Variants in PCDH15 observed in about 807,000 individuals in gnomAD.
The protein encoded by PCDH15 is protocadherin related 15.
Under a neutral mutation model 178.5 loss-of-function variants are expected in PCDH15, and 129 were observed. The observed-to-expected ratio is 0.72, with a 90% CI of 0.63 to 0.84. The LOEUF (loss-of-function observed/expected upper bound fraction) is 0.84. Ranked by LOEUF, PCDH15 falls within the 40% of genes least tolerant of loss-of-function variation. The pLI is 0.00. For synonymous variants in PCDH15, 800 were observed against 732.0 expected (o/e 1.09, Z -1.50); for missense variants, 2,230 against 2,099.9 (o/e 1.06, Z -1.21).
chr10:54,834,715 T>C (rs1953285985), intron 3 of PCDH15, among the ~76,000 whole-genome samples: 1 of 152,188 alleles, frequency 6.6e-6, no homozygotes, highest in Admixed American at 6.6e-5. Flanking sequence ...GATGTCTTAG[T>C]TTATGTGATC....
At chr10:54,036,360 T>C (rs2093416612) in intron 18 of PCDH15, among the ~76,000 whole-genome samples, 1 of 151,992 alleles carries the variant, frequency 6.6e-6, no homozygotes, top group African/African-American at 2.4e-5. Context: ...GCTGACTTTC[T>C]TGTTAGGTGC....
chr10:54,293,015 C>T (rs1169009885), intron 8 of PCDH15, among the ~76,000 whole-genome samples: 2 of 152,090 alleles, frequency 1.3e-5, no homozygotes, highest in African/African-American at 4.8e-5. Context: ...CAAGACAATC[C>T]TAAGCAAAAA....
At chr10:54,714,604 T>C (rs2095458485) in intron 1 of PCDH15, among the ~76,000 whole-genome samples, 2 of 152,148 alleles carry the variant, frequency 1.3e-5, no homozygotes, top group Non-Finnish European at 2.9e-5. Context: ...AAAAGTCATC[T>C]TATAGGCTTC....
At position 54,169,031 on chromosome 10, in the gene PCDH15, C is replaced by T. The variant is rs1320127567; in HGVS notation, c.1590+14413G>A. On this transcript the variant is annotated intron_variant, in intron 13 of 37. Coordinates refer to ENST00000644397, the MANE Select transcript of PCDH15 (RefSeq NM_001384140.1). ...CCTCCTCCCACAGGAGCTTGCTACA[C>T]ATGCAGGAAATCTGGCCACTGGGCC... is the stretch of plus-strand genomic sequence containing the variant. Among the ~76,000 whole-genome samples, 6 of 152,276 alleles carry T rather than the reference C, an allele frequency of 3.9e-5. No homozygotes were observed. The South Asian group carries it at 6.2e-4, about 16-fold the overall frequency.
At chr10:55,369,784 T>C (rs1335122211) in intron 2 of PCDH15, among the ~76,000 whole-genome samples, 8 of 151,950 alleles carry the variant, frequency 5.3e-5, no homozygotes, top group Non-Finnish European at 1.0e-4. Context: ...AGAATAAACA[T>C]GTAATTGGTC....
At chr10:55,432,399 G>C (rs1304317062) in intron 2 of PCDH15, among the ~76,000 whole-genome samples, 1 of 152,170 alleles carries the variant, frequency 6.6e-6, no homozygotes, top group Non-Finnish European at 1.5e-5. Flanking sequence ...AGGGTTCTGA[G>C]TGGAGGATTG....
intron 2 of PCDH15, among the ~76,000 whole-genome samples, chr10:55,512,416 T>C (rs1840906240): frequency 1.3e-5 from 2 of 152,072 alleles, no homozygotes; most frequent in African/African-American, 4.8e-5. Context: ...TTTTAGCTAC[T>C]AAAAACCTGG....
At chr10:55,428,935 C>G (rs1006735104) in intron 2 of PCDH15, among the ~76,000 whole-genome samples, 6 of 151,822 alleles carry the variant, frequency 4.0e-5, no homozygotes, top group African/African-American at 1.2e-4. Flanking sequence ...TTACCTACCT[C>G]AGTTTAAATT....
chr10:55,226,219 A>T (rs984088847), intron 1 of PCDH15, among the ~76,000 whole-genome samples: 1 of 152,278 alleles, frequency 6.6e-6, no homozygotes, highest in Admixed American at 6.5e-5. Context: ...AACTTCTAGC[A>T]TATGAGACAG....
chr10:54,230,908 A>T (rs1357568489), intron 9 of PCDH15, among the ~76,000 whole-genome samples: 1 of 152,150 alleles, frequency 6.6e-6, no homozygotes, highest in African/African-American at 2.4e-5. Context: ...CTACTGTTAC[A>T]AGCTAAAGTC....
chr10:54,039,480 A>T (rs10763057), intron 18 of PCDH15, among the ~76,000 whole-genome samples: 5 of 151,668 alleles, frequency 3.3e-5, no homozygotes, highest in Admixed American at 6.6e-5. Flanking sequence ...GAGAATTGTC[A>T]GTGGGTTCCC....
intron 1 of PCDH15, among the ~76,000 whole-genome samples, chr10:55,190,420 T>A (rs549386945): frequency 1.4e-3 from 208 of 151,850 alleles, no homozygotes; most frequent in African/African-American, 4.9e-3. Flanking sequence ...ATGTAAGTTA[T>A]GATTAAATAA....
At chr10:54,551,059 G>A (rs1481456186) in intron 2 of PCDH15, among the ~76,000 whole-genome samples, 2 of 147,612 alleles carry the variant, frequency 1.4e-5, no homozygotes, top group Non-Finnish European at 3.0e-5. Flanking sequence ...AGTGGACGAG[G>A]CAGGAGAATC....
chr10:55,273,138 G>A (rs1382709621), intron 1 of PCDH15, among the ~76,000 whole-genome samples: 1 of 152,076 alleles, frequency 6.6e-6, no homozygotes, highest in African/African-American at 2.4e-5. Context: ...ATCATATGAT[G>A]TGTAAGTTTA....
chr10:54,610,082 T>C (rs889848963), intron 2 of PCDH15, among the ~76,000 whole-genome samples: 6 of 151,988 alleles, frequency 3.9e-5, no homozygotes, highest in Admixed American at 3.3e-4. Context: ...ATTCTGTCAA[T>C]TTGATTGTCA....
At chr10:55,595,670 A>T (rs1842923357) in intron 2 of PCDH15, among the ~76,000 whole-genome samples, 1 of 152,092 alleles carries the variant, frequency 6.6e-6, no homozygotes, top group African/African-American at 2.4e-5. Flanking sequence ...AAGTCACGGC[A>T]ATTTTTTCTG....
At chr10:54,208,950 T>A (rs1471925971) in intron 10 of PCDH15, among the ~76,000 whole-genome samples, 1 of 152,062 alleles carries the variant, frequency 6.6e-6, no homozygotes, top group Non-Finnish European at 1.5e-5. Context: ...GGAGTGCCAA[T>A]CGTTTCCATC....
At chr10:53,977,419 T>A (rs1229252290) in intron 21 of PCDH15, among the ~76,000 whole-genome samples, 1 of 152,238 alleles carries the variant, frequency 6.6e-6, no homozygotes, top group Admixed American at 6.5e-5. Flanking sequence ...ATGTGGCCTA[T>A]GGGCCATGAG....
chr10:54,851,188 A>T (rs540679228), intron 3 of PCDH15, among the ~76,000 whole-genome samples: 12 of 152,240 alleles, frequency 7.9e-5, no homozygotes, highest in African/African-American at 2.9e-4. Flanking sequence ...CAACGTAATC[A>T]TTACACATTG....
Sources: gnomAD v4.1 joint callset for allele counts (sites outside exome capture counted in the v4.1 genomes callset) on GRCh38, gnomAD v4.1.1 for gene constraint, MANE v1.5 for transcripts, NCBI Gene and HGNC (gene_info 2026-07-23, HGNC 2026-07-21) for gene names.